The following NCOA3 variants were observed in gnomAD, a reference collection of about 807,000 sequenced individuals.
NCOA3 encodes nuclear receptor coactivator 3.
A neutral mutation model predicts 158.8 loss-of-function variants in NCOA3; 51 were observed. The observed-to-expected ratio is 0.32, with a 90% CI of 0.26 to 0.41. NCOA3 has a LOEUF of 0.41. Among genes scored for constraint, NCOA3 ranks in the 10% least tolerant of loss-of-function variants. The pLI, the probability that NCOA3 is intolerant of heterozygous loss-of-function variation, is 1.00. For missense variants in NCOA3, 1,510 were observed against 1,746.6 expected (o/e 0.86, Z 2.41); for synonymous variants, 537 against 592.4 (o/e 0.91, Z 1.36).
intron 2 of NCOA3, among the ~76,000 whole-genome samples, chr20:47,600,197 T>C (rs950206406): frequency 1.3e-5 from 2 of 150,824 alleles, no homozygotes; most frequent in Admixed American, 6.6e-5. Flanking sequence ...TTTTTTGAGA[T>C]GGAGTCTTGC....
intron 12 of NCOA3, 27 bp downstream of exon 12, chr20:47,636,789 T>C: frequency 2.0e-6 from 3 of 1,535,240 alleles, no homozygotes; most frequent in Non-Finnish European, 2.6e-6. Context: ...ATATTTCAGC[T>C]CATATTTCAT....
At chr20:47,502,354 G>A (rs2083947386) in intron 1 of NCOA3, among the ~76,000 whole-genome samples, 1 of 152,100 alleles carries the variant, frequency 6.6e-6, no homozygotes, top group African/African-American at 2.4e-5. Flanking sequence ...TGTCCCTAAA[G>A]TTTTTTCTTC....
intron 2 of NCOA3, among the ~76,000 whole-genome samples, chr20:47,620,770 A>G (rs1032049893): frequency 3.9e-5 from 6 of 152,208 alleles, no homozygotes; most frequent in African/African-American, 9.7e-5. Context: ...TTTTATGTCT[A>G]TTGTCCATAT....
At chr20:47,547,505 C>T (rs142869862) in intron 1 of NCOA3, among the ~76,000 whole-genome samples, 4,979 of 151,564 alleles carry the variant, frequency 0.033, 231 homozygotes, top group African/African-American at 0.11. Context: ...CTCCACCTCC[C>T]GGGTTCACAC....
At chr20:47,639,885 C>G in intron 15 of NCOA3, 40 bp from the exon 16 acceptor site, 1 of 1,613,098 alleles carries the variant, frequency 6.2e-7, no homozygotes, top group Non-Finnish European at 8.5e-7. Flanking sequence ...ATAATTTTTG[C>G]TCTTATTTGA....
intron 1 of NCOA3, among the ~76,000 whole-genome samples, chr20:47,575,435 TGTTACTAGAAAA>T (rs1382795766): frequency 6.6e-6 from 1 of 152,238 alleles, no homozygotes; most frequent in Non-Finnish European, 1.5e-5. Context: ...GCTTGGGAAT[TGTTACTAGAAAA>T]TTACTTCTTT....
chr20:47,563,899 AAAAAAGAAAG>A (rs1304248240), intron 1 of NCOA3, among the ~76,000 whole-genome samples: 91 of 150,768 alleles, frequency 6.0e-4, no homozygotes, highest in African/African-American at 2.1e-3. Flanking sequence ...AAAAAAAAAA[AAAAAAGAAAG>A]AAAAAAGAAA....
chr20:47,512,767 T>C (rs1306124631), intron 1 of NCOA3, among the ~76,000 whole-genome samples: 2 of 152,170 alleles, frequency 1.3e-5, no homozygotes, highest in African/African-American at 4.8e-5. Flanking sequence ...TTGGTAAGGA[T>C]GTGGAACAAC....
chr20:47,603,292 C>A (rs1296827957), intron 2 of NCOA3, among the ~76,000 whole-genome samples: 1 of 152,182 alleles, frequency 6.6e-6, no homozygotes, highest in African/African-American at 2.4e-5. Context: ...GTTCCCTGAC[C>A]CCCCTCACAG....
intron 18 of NCOA3, among the ~76,000 whole-genome samples, 178 bp from the exon 19 acceptor site, chr20:47,648,827 A>G (rs2086733058): frequency 6.6e-6 from 1 of 152,208 alleles, no homozygotes; most frequent in Non-Finnish European, 1.5e-5. Context: ...ATGCTAGCCA[A>G]AGACTTTTCA....
chr20:47,593,537 G>A (rs2085690065), intron 2 of NCOA3, among the ~76,000 whole-genome samples: 1 of 150,790 alleles, frequency 6.6e-6, no homozygotes, highest in African/African-American at 2.4e-5. Context: ...TAGAGATGGG[G>A]TTTCACCATG....
chr20:47,562,954 C>T (rs771444878), intron 1 of NCOA3, among the ~76,000 whole-genome samples: 37 of 151,980 alleles, frequency 2.4e-4, no homozygotes, highest in Admixed American at 7.9e-4. Context: ...CTATGTTGGC[C>T]GGATTGGTCT....
chr20:47,503,852 A>T (rs2083982427), intron 1 of NCOA3, among the ~76,000 whole-genome samples: 1 of 152,198 alleles, frequency 6.6e-6, no homozygotes, highest in African/African-American at 2.4e-5. Flanking sequence ...TCTGCATTTC[A>T]ATGAGCAGAA....
chr20:47,581,965 T>G (rs551403651), intron 1 of NCOA3, among the ~76,000 whole-genome samples: 26 of 152,294 alleles, frequency 1.7e-4, no homozygotes, highest in African/African-American at 5.5e-4. Flanking sequence ...CATCTGATAA[T>G]TTTTGGACTA....
chr20:47,636,042 C>T lies in NCOA3; in HGVS notation c.1656C>T (p.Pro552=). The part of the protein sequence containing the change: ...SSPGPKLDNS[P]NMNITQPSKV... The stretch of plus-strand genomic sequence containing the variant: ...CAGGCCCCAAATTGGATAACTCTCC[C>T]AATATGAATATTACCCAACCAAGTA... Residue 552 remains proline, a synonymous_variant, in exon 12 of 23, where the codon CCC becomes CCT. Transcript: ENST00000371998. 6.2e-7 allele frequency: 1 copy of T among 1,614,086 alleles called. No homozygotes were observed. The highest frequency in any genetic ancestry group is 1.1e-5 in the South Asian group (1 of 91,074).
At chr20:47,519,822 G>T (rs1415239294) in intron 1 of NCOA3, among the ~76,000 whole-genome samples, 1 of 151,922 alleles carries the variant, frequency 6.6e-6, no homozygotes, top group Admixed American at 6.6e-5. Context: ...GAGTGCAATG[G>T]CACAATCTCG....
At position 47,635,891 on chromosome 20, in the gene NCOA3, G is replaced by A. The variant is rs1568744291; in HGVS notation, c.1505G>A (p.Gly502Asp). Reference protein sequence around the residue: ...IASHQFSPVAGVHSPMASSGN... With the variant: ...IASHQFSPVADVHSPMASSGN... ...TTCCTAAATTTTTTTTCAAATTCAG[G>A]TGTGCACTCTCCCATGGCATCTTCT... The change falls in exon 12 of 23, where the codon GGT becomes GAT. Residue 502 changes from glycine to aspartate, a missense_variant and splice_region_variant. Physicochemically the swap from Gly to Asp is moderately conservative, Grantham distance 94 (BLOSUM62 -1). Coordinates refer to ENST00000371998, the MANE Select transcript of NCOA3 (RefSeq NM_181659.3). 1 of 1,605,534 alleles carries A rather than the reference G, an allele frequency of 6.2e-7. No individual in the cohort carries two copies. The highest frequency in any genetic ancestry group is 8.5e-7 in the Non-Finnish European group (1 of 1,176,628).
At chr20:47,579,503 A>T (rs1057100872) in intron 1 of NCOA3, among the ~76,000 whole-genome samples, 1 of 152,240 alleles carries the variant, frequency 6.6e-6, no homozygotes, top group African/African-American at 2.4e-5. Flanking sequence ...GAAATCTGCT[A>T]GGATTGTTGC....
At chr20:47,587,493 C>A (rs1213186886) in intron 2 of NCOA3, among the ~76,000 whole-genome samples, 1 of 152,180 alleles carries the variant, frequency 6.6e-6, no homozygotes, top group Non-Finnish European at 1.5e-5. Flanking sequence ...GTGATTGGGT[C>A]TAAGACCCTT....
Sources: gnomAD v4.1 joint callset for allele counts (sites outside exome capture counted in the v4.1 genomes callset) on GRCh38, gnomAD v4.1.1 for gene constraint, MANE v1.5 for transcripts, NCBI Gene and HGNC (gene_info 2026-07-23, HGNC 2026-07-21) for gene names.